Variants in SH3RF3 observed in about 807,000 individuals in gnomAD.
SH3RF3 encodes E3 ubiquitin-protein ligase SH3RF3.
A neutral mutation model predicts 66.3 loss-of-function variants in SH3RF3; 29 were observed. That is an observed-to-expected ratio of 0.44 (90% CI 0.33 to 0.60). The LOEUF is 0.60. Among genes scored for constraint, SH3RF3 ranks in the 20% least tolerant of loss-of-function variants. The pLI, the probability that SH3RF3 is intolerant of heterozygous loss-of-function variation, is 0.04. For synonymous variants in SH3RF3, 583 were observed against 532.0 expected, an observed-to-expected ratio of 1.10 and a Z score of -1.32; for missense variants, 1,194 against 1,190.9, an observed-to-expected ratio of 1.00 and a Z score of -0.04.
chr2:109,313,831 G>C (rs145874816), intron 1 of SH3RF3, among the ~76,000 whole-genome samples: 6 of 152,234 alleles, frequency 3.9e-5, no homozygotes, highest in African/African-American at 1.4e-4. Flanking sequence ...CAGTGCATGT[G>C]GGGGAGAGGA....
chr2:109,261,127 C>A (rs1271660422), intron 1 of SH3RF3, among the ~76,000 whole-genome samples: 1 of 152,168 alleles, frequency 6.6e-6, no homozygotes. Flanking sequence ...ACAGCCAGGC[C>A]CGTGAGCTAG....
At position 109,309,536 on chromosome 2, in the gene SH3RF3, A is replaced by T. The variant is rs1423780344; in HGVS notation, c.574-38138A>T. ...TAAATGTAAATGGACTAAATGCTCC[A>T]ATTAAAAGACACAGACTGGCAAATT... On this transcript the variant is annotated intron_variant, in intron 1 of 9. Coordinates refer to ENST00000309415, the MANE Select transcript of SH3RF3 (RefSeq NM_001099289.3). 1.1e-4 allele frequency among the ~76,000 whole-genome samples: 14 copies of T among 129,186 alleles called. 1 individual carries two copies. The highest frequency in any genetic ancestry group is 5.2e-4 in the African/African-American group (14 of 26,798). 84.8% of individuals were successfully genotyped at this position (129,186 alleles called of 152,430 possible).
chr2:109,199,612 T>TCAACTC (rs1574499835), intron 1 of SH3RF3, among the ~76,000 whole-genome samples: 1 of 336 alleles, frequency 3.0e-3, no homozygotes, highest in Non-Finnish European at 6.9e-3. Context: ...TGGAATGGAA[T>TCAACTC]GGAATGGAAT....
At chr2:109,348,008 C>T in intron 2 of SH3RF3, 59 bp downstream of exon 2, 1 of 1,532,592 alleles carries the variant, frequency 6.5e-7, no homozygotes. Context: ...CCACCCAGGG[C>T]TCTTCCCAGC....
chr2:109,406,452 C>T (rs997698459), intron 4 of SH3RF3, among the ~76,000 whole-genome samples: 3 of 152,108 alleles, frequency 2.0e-5, no homozygotes, highest in African/African-American at 4.8e-5. Context: ...CCCACGTTCT[C>T]GGAGGCACCA....
At chr2:109,318,803 T>C (rs1452450138) in intron 1 of SH3RF3, among the ~76,000 whole-genome samples, 1 of 152,222 alleles carries the variant, frequency 6.6e-6, no homozygotes, top group Non-Finnish European at 1.5e-5. Flanking sequence ...AGCTCTGGCC[T>C]GAGGCCACCC....
chr2:109,389,742 C>G (rs1338599936), intron 3 of SH3RF3, among the ~76,000 whole-genome samples: 1 of 152,108 alleles, frequency 6.6e-6, no homozygotes, highest in Non-Finnish European at 1.5e-5. Context: ...TAGATAAATA[C>G]ACCAAAAGAT....
intron 9 of SH3RF3, among the ~76,000 whole-genome samples, chr2:109,495,770 CGTGAG>C (rs1311774314): frequency 2.0e-5 from 3 of 152,082 alleles, no homozygotes; most frequent in Non-Finnish European, 4.4e-5. Context: ...GGGCGTGAGG[CGTGAG>C]CCACTGCACC....
At chr2:109,396,758 G>GCTTAGCCTATATC (rs1676159475) in intron 3 of SH3RF3, among the ~76,000 whole-genome samples, 1 of 152,208 alleles carries the variant, frequency 6.6e-6, no homozygotes, top group African/African-American at 2.4e-5. Context: ...ACATGCAAGG[G>GCTTAGCCTATATC]CTTAGCCTAT....
intron 1 of SH3RF3, among the ~76,000 whole-genome samples, chr2:109,289,015 G>A (rs927909488): frequency 2.6e-5 from 4 of 152,168 alleles, no homozygotes; most frequent in Non-Finnish European, 4.4e-5. Flanking sequence ...AATGAAAATG[G>A]CATTGTGTTG....
intron 1 of SH3RF3, among the ~76,000 whole-genome samples, chr2:109,218,511 A>T (rs1436087530): frequency 6.6e-6 from 1 of 152,220 alleles, no homozygotes; most frequent in African/African-American, 2.4e-5. Context: ...AGAAGAGCAG[A>T]TGGAAGGGTG....
chr2:109,488,566 A>G (rs933840514), intron 8 of SH3RF3, among the ~76,000 whole-genome samples: 17 of 151,784 alleles, frequency 1.1e-4, no homozygotes, highest in African/African-American at 3.9e-4. Context: ...CAGGCACCCC[A>G]CTCAGATCCC....
intron 1 of SH3RF3, among the ~76,000 whole-genome samples, chr2:109,159,827 C>G (rs1004947648): frequency 1.3e-5 from 2 of 152,172 alleles, no homozygotes; most frequent in African/African-American, 2.4e-5. Context: ...GAATCTAACG[C>G]CTCATGATCT....
chr2:109,397,756 G>T (rs552932305), intron 3 of SH3RF3, among the ~76,000 whole-genome samples: 11 of 152,306 alleles, frequency 7.2e-5, no homozygotes, highest in Admixed American at 7.2e-4. Flanking sequence ...AGGTGATGCC[G>T]CAGCCCTGAG....
At chr2:109,211,273 G>A (rs1678967887) in intron 1 of SH3RF3, among the ~76,000 whole-genome samples, 1 of 152,228 alleles carries the variant, frequency 6.6e-6, no homozygotes. Flanking sequence ...GGGATGTCCT[G>A]CCATTTGCAG....
chr2:109,139,307 C>A (rs1676883832), intron 1 of SH3RF3, among the ~76,000 whole-genome samples: 1 of 152,020 alleles, frequency 6.6e-6, no homozygotes, highest in Admixed American at 6.5e-5. Flanking sequence ...GCCAATGAGA[C>A]TGACCTTTTT....
chr2:109,323,340 T>C (rs960193297), intron 1 of SH3RF3, among the ~76,000 whole-genome samples: 6 of 152,200 alleles, frequency 3.9e-5, no homozygotes, highest in Non-Finnish European at 5.9e-5. Flanking sequence ...CTGAAGAAGA[T>C]ACCTGTATGA....
At chr2:109,499,461 G>A (rs1347983306) in intron 9 of SH3RF3, among the ~76,000 whole-genome samples, 1 of 152,214 alleles carries the variant, frequency 6.6e-6, no homozygotes, top group Admixed American at 6.5e-5. Flanking sequence ...TCTTCTCTCA[G>A]CCCTTACTGC....
chr2:109,170,694 G>A (rs887942259), intron 1 of SH3RF3, among the ~76,000 whole-genome samples: 5 of 152,140 alleles, frequency 3.3e-5, no homozygotes, highest in Non-Finnish European at 1.5e-5. Flanking sequence ...ACAGTCTGAG[G>A]TTGTTATTTG....
Sources: gnomAD v4.1 joint callset for allele counts (sites outside exome capture counted in the v4.1 genomes callset) on GRCh38, gnomAD v4.1.1 for gene constraint, MANE v1.5 for transcripts, NCBI Gene and HGNC (gene_info 2026-07-23, HGNC 2026-07-21) for gene names.